The following GTF2I variants were observed in gnomAD, a reference collection of about 807,000 sequenced individuals.
The protein encoded by GTF2I is general transcription factor IIi, also known as general transcription factor II-I.
GTF2I carries 12 observed loss-of-function variants against 67.6 expected under a neutral mutation model. The observed-to-expected ratio is 0.18, with a 90% CI of 0.11 to 0.29. The LOEUF is 0.29. Ranked by LOEUF, GTF2I falls within the 10% of genes least tolerant of loss-of-function variation. The pLI is 1.00. For missense variants in GTF2I, 271 were observed against 580.1 expected, an observed-to-expected ratio of 0.47 and a Z score of 5.47; for synonymous variants, 149 against 197.0, an observed-to-expected ratio of 0.76 and a Z score of 2.04.
At chr7:74,697,332 T>C (rs1554398589) in intron 3 of GTF2I, among the ~76,000 whole-genome samples, 1 of 152,008 alleles carries the variant, frequency 6.6e-6, no homozygotes, top group Non-Finnish European at 1.5e-5. Flanking sequence ...GAGGTGGAGA[T>C]TGCAGTGAGC....
At chr7:74,680,097 A>AAAAAAAAAAT (rs1787104337) in intron 1 of GTF2I, among the ~76,000 whole-genome samples, 1 of 88,844 alleles carries the variant, frequency 1.1e-5, no homozygotes, top group African/African-American at 5.8e-5. Flanking sequence ...AAAAAAAAAA[A>AAAAAAAAAAT]AAATATATAT....
intron 1 of GTF2I, among the ~76,000 whole-genome samples, chr7:74,665,030 A>G (rs886464219): frequency 6.8e-6 from 1 of 147,508 alleles, no homozygotes; most frequent in Non-Finnish European, 1.5e-5. Context: ...ATCTCCGCCT[A>G]CTGGGTTCAA....
At chr7:74,706,746 A>G (rs781882618) in intron 8 of GTF2I, among the ~76,000 whole-genome samples, 7 of 152,218 alleles carry the variant, frequency 4.6e-5, no homozygotes, top group African/African-American at 1.2e-4. Context: ...ACAAAAATCA[A>G]TAGAATGCCC....
At chr7:74,681,169 T>G (rs1369296149) in intron 1 of GTF2I, among the ~76,000 whole-genome samples, 1 of 152,186 alleles carries the variant, frequency 6.6e-6, no homozygotes, top group Non-Finnish European at 1.5e-5. Flanking sequence ...GCGCAGTGGC[T>G]TATGCCTGTA....
At chr7:74,696,369 G>A (rs1427602104) in intron 3 of GTF2I, among the ~76,000 whole-genome samples, 3 of 146,106 alleles carry the variant, frequency 2.1e-5, no homozygotes, top group South Asian at 2.2e-4. Flanking sequence ...TCTCACTATC[G>A]CCCATGGAGT....
chr7:74,676,427 G>A (rs1805913293), intron 1 of GTF2I, among the ~76,000 whole-genome samples: 1 of 152,002 alleles, frequency 6.6e-6, no homozygotes, highest in South Asian at 2.1e-4. Flanking sequence ...CAGCCATCTT[G>A]GGCAACATAG....
chr7:74,677,420 A>G (rs1235589784), intron 1 of GTF2I, among the ~76,000 whole-genome samples: 1 of 152,104 alleles, frequency 6.6e-6, no homozygotes, highest in Non-Finnish European at 1.5e-5. Context: ...CTGACTGAGG[A>G]TGTTTCTGTT....
chr7:74,728,335 CTATT>C (rs1325376373), intron 12 of GTF2I, among the ~76,000 whole-genome samples: 4 of 151,556 alleles, frequency 2.6e-5, no homozygotes, highest in African/African-American at 9.7e-5. Flanking sequence ...CAAAAAAAAA[CTATT>C]TACCCAATTT....
intron 10 of GTF2I, among the ~76,000 whole-genome samples, chr7:74,715,134 G>A (rs190630712): frequency 9.9e-5 from 15 of 151,922 alleles, no homozygotes; most frequent in African/African-American, 2.7e-4. Flanking sequence ...AATGAATCTC[G>A]AAATGGGTAC....
chr7:74,709,449 G>T (rs587770702), intron 8 of GTF2I, among the ~76,000 whole-genome samples: 14 of 152,008 alleles, frequency 9.2e-5, no homozygotes, highest in African/African-American at 2.4e-4. Context: ...GTAGAGACGG[G>T]GTTTAACCAT....
rs1791485599 is a variant in GTF2I at position 74,711,053 on chromosome 7, C to A, written c.707C>A (p.Ala236Asp). The change falls in exon 9 of 35, where the codon GCT becomes GAT. Residue 236 changes from alanine (A) to aspartate (D), a missense_variant. Transcript: ENST00000573035. ...CTAGGCATTTCCCTGGAAATGGCAG[C>A]TGTGACAGTAAAGGAAGAATCAGAA... ...EDSGISLEMA[A>D]VTVKEESEDP... 1.3e-6 allele frequency: 2 copies of A among 1,541,288 alleles called. No individual in the cohort carries two copies. The highest frequency in any genetic ancestry group is 1.2e-5 in the South Asian group (1 of 83,404).
chr7:74,668,345 G>C (rs1336900195), intron 1 of GTF2I, among the ~76,000 whole-genome samples: 1 of 151,128 alleles, frequency 6.6e-6, no homozygotes, highest in African/African-American at 2.4e-5. Context: ...GTGTGTGTGT[G>C]TGTGTGTGTG....
At chr7:74,698,498 C>T (rs587609218) in intron 3 of GTF2I, among the ~76,000 whole-genome samples, 1 of 149,070 alleles carries the variant, frequency 6.7e-6, no homozygotes, top group South Asian at 2.1e-4. Flanking sequence ...CTCACTGCAG[C>T]CTTAAACTTC....
chr7:74,693,783 T>G (rs1584157506), intron 3 of GTF2I, among the ~76,000 whole-genome samples: 1 of 151,722 alleles, frequency 6.6e-6, no homozygotes, highest in South Asian at 2.1e-4. Context: ...GAGGTGGAGG[T>G]TGCAGTGAGC....
chr7:74,723,250 C>T (rs1253275131), intron 12 of GTF2I, among the ~76,000 whole-genome samples: 2 of 150,930 alleles, frequency 1.3e-5, no homozygotes, highest in Non-Finnish European at 3.0e-5. Context: ...AGCCTTCCTC[C>T]GAGTAGCTGG....
chr7:74,658,244 A>C (rs1389054162), intron 1 of GTF2I, among the ~76,000 whole-genome samples, 176 bp downstream of exon 1: 12 of 142,552 alleles, frequency 8.4e-5, no homozygotes, highest in African/African-American at 2.3e-4. Context: ...GCCTCCCCCT[A>C]CCCCCACCCC....
chr7:74,681,950 C>T (rs1429827932), intron 1 of GTF2I, among the ~76,000 whole-genome samples: 3 of 151,864 alleles, frequency 2.0e-5, no homozygotes, highest in East Asian at 1.9e-4. Flanking sequence ...TGATAGTTCT[C>T]TGCCTCTGGG....
intron 8 of GTF2I, among the ~76,000 whole-genome samples, chr7:74,708,329 G>A (rs190942031): frequency 6.6e-5 from 10 of 152,168 alleles, no homozygotes; most frequent in Non-Finnish European, 1.3e-4. Flanking sequence ...AAAACAGATT[G>A]TTAACTGGTT....
intron 6 of GTF2I, among the ~76,000 whole-genome samples, chr7:74,704,856 A>T (rs1303490455): frequency 6.7e-4 from 2 of 3,002 alleles, no homozygotes; most frequent in Non-Finnish European, 1.1e-3. Context: ...CCCTGTTTCT[A>T]AAAAAAAAAA....
Sources: gnomAD v4.1 joint callset for allele counts (sites outside exome capture counted in the v4.1 genomes callset) on GRCh38, gnomAD v4.1.1 for gene constraint, MANE v1.5 for transcripts, NCBI Gene and HGNC (gene_info 2026-07-23, HGNC 2026-07-21) for gene names.